The following CACNA2D4 variants were observed in gnomAD, a reference collection of about 807,000 sequenced individuals.
The protein encoded by CACNA2D4 is calcium voltage-gated channel auxiliary subunit alpha2delta 4, also known as voltage-dependent calcium channel subunit alpha-2/delta-4.
Under a neutral mutation model 163.8 loss-of-function variants are expected in CACNA2D4, and 157 were observed. The ratio of observed to expected loss-of-function variants is 0.96; its 90% CI spans 0.84 to 1.09. The LOEUF (loss-of-function observed/expected upper bound fraction) is 1.09. Among genes scored for constraint, CACNA2D4 ranks in the 50% least tolerant of loss-of-function variants. The pLI is 0.00. For synonymous variants in CACNA2D4, 598 were observed against 586.9 expected (o/e 1.02, Z -0.27); for missense variants, 1,410 against 1,479.9 (o/e 0.95, Z 0.78).
intron 2 of CACNA2D4, among the ~76,000 whole-genome samples, chr12:1,913,745 A>G (rs1418203616): frequency 6.6e-6 from 1 of 152,180 alleles, no homozygotes; most frequent in Non-Finnish European, 1.5e-5. Context: ...CCCAGGGGAG[A>G]CCAGCTCTCA....
intron 6 of CACNA2D4, among the ~76,000 whole-genome samples, chr12:1,890,135 A>AG (rs1396161150): frequency 6.6e-6 from 1 of 152,182 alleles, no homozygotes; most frequent in Non-Finnish European, 1.5e-5. Flanking sequence ...TCCTAGCCGC[A>AG]GGAGAGCCTC....
At chr12:1,809,595 CT>C in intron 29 of CACNA2D4, 1 of 699,726 alleles carries the variant, frequency 1.4e-6, no homozygotes, top group Non-Finnish European at 2.6e-6. Flanking sequence ...TTTGAGGCCC[CT>C]TTTGGAGCCC....
At chr12:1,862,974 T>C (rs1865557731) in intron 18 of CACNA2D4, among the ~76,000 whole-genome samples, 1 of 152,252 alleles carries the variant, frequency 6.6e-6, no homozygotes, top group Non-Finnish European at 1.5e-5. Context: ...TGTTTAGTGC[T>C]TTCTGTGTTT....
Position 1,855,893 on chromosome 12 carries a change from T to C in CACNA2D4, c.2152+119A>G, listed in dbSNP as rs1022399075. 1.7e-5 allele frequency: 12 copies of C among 710,102 alleles called. No individual in the cohort carries two copies. The East Asian group carries it at 2.9e-4, about 17-fold the overall frequency. The allele number at this position is 710,102 out of a possible 1,614,324, so 44.0% of individuals were successfully genotyped here. ...CTCCCTGTTTGATCTAAGCCATCCA[T>C]GTGCTAATGGGATAGGGCTGTGCAG... is the stretch of plus-strand genomic sequence containing the variant. On this transcript the variant is annotated intron_variant, in intron 22 of 37. Coordinates refer to ENST00000382722, the MANE Select transcript of CACNA2D4 (RefSeq NM_172364.5).
chr12:1,832,222 T>G (rs1352354106), intron 26 of CACNA2D4, among the ~76,000 whole-genome samples: 3 of 152,176 alleles, frequency 2.0e-5, no homozygotes, highest in Non-Finnish European at 4.4e-5. Flanking sequence ...GCGTCTGAAT[T>G]TCGGCTCTGC....
At chr12:1,811,497 C>T (rs2154445850) in intron 27 of CACNA2D4, among the ~76,000 whole-genome samples, 165 bp downstream of exon 27, 1 of 152,276 alleles carries the variant, frequency 6.6e-6, no homozygotes, top group South Asian at 2.1e-4. Context: ...AGCGCTGAGG[C>T]CCGGCCTGCA....
rs1372674469 is a variant in CACNA2D4 at position 1,886,015 on chromosome 12, C to A, written c.1018G>T (p.Glu340Ter). The stretch of plus-strand genomic sequence containing the variant: ...ACGAGGATCCCTTTAAAACAAGGCT[C>A]GATGTAATGGACGTAGTCATTGTAC... The part of the protein sequence containing the change: ...IAYNDYVHYI[E>*]PCFKGILVQA... Residue 340 changes from glutamate to a stop codon, truncating the protein, a stop_gained, in exon 9 of 38, where the codon GAG becomes TAG. Transcript: ENST00000382722. LOFTEE classifies it high-confidence loss of function. The A allele has an allele frequency of 6.2e-7, 1 of 1,613,522 alleles. No homozygotes were observed. Among genetic ancestry groups the A allele is most frequent in the Non-Finnish European group, 8.5e-7 (1 of 1,179,654 alleles).
intron 1 of CACNA2D4, 154 bp downstream of exon 1, chr12:1,918,080 AGAAGCAAAGGGCT>A: frequency 4.9e-6 from 3 of 611,208 alleles, no homozygotes; most frequent in Non-Finnish European, 8.7e-6. Context: ...AGGAGGCCGG[AGAAGCAAAGGGCT>A]TTACAGCAAG....
intron 3 of CACNA2D4, among the ~76,000 whole-genome samples, chr12:1,912,387 G>A (rs1382931239): frequency 6.6e-6 from 1 of 152,224 alleles, no homozygotes; most frequent in Non-Finnish European, 1.5e-5. Flanking sequence ...CCCCAGAGAA[G>A]GGGAAAGCTT....
intron 26 of CACNA2D4, among the ~76,000 whole-genome samples, chr12:1,813,515 A>G (rs1032366755): frequency 1.3e-5 from 2 of 152,212 alleles, no homozygotes; most frequent in Non-Finnish European, 2.9e-5. Context: ...CCCGAATTTA[A>G]AAAACAGTTA....
At chr12:1,800,928 G>A (rs921938402) in intron 31 of CACNA2D4, 115 bp downstream of exon 31, 26 of 898,536 alleles carry the variant, frequency 2.9e-5, no homozygotes, top group Middle Eastern at 3.3e-4. Flanking sequence ...GTCAAGGTAG[G>A]GCCCTGGGGC....
Position 1,875,540 on chromosome 12 carries a change from C to T in CACNA2D4, c.1720-203G>A, listed in dbSNP as rs1865865017. 6.6e-6 allele frequency among the ~76,000 whole-genome samples: 1 copy of T among 152,166 alleles called. No homozygotes were observed. Among genetic ancestry groups the T allele is most frequent in the Non-Finnish European group, 1.5e-5 (1 of 68,030 alleles). On this transcript the variant is annotated intron_variant, in intron 16 of 37. Coordinates refer to ENST00000382722, the MANE Select transcript of CACNA2D4 (RefSeq NM_172364.5). The surrounding 1 kb of genome is among the most constrained non-coding windows in gnomAD (Gnocchi z 4.0). ...TACTGACATCTATGACAGATGGTCT[C>T]ACGGCCTCTGAGTGAATCTTCCCCA...
Position 1,884,236 on chromosome 12 carries a change from C to A in CACNA2D4, c.1351+7G>T. ...GGTGGGAAGGTACCTGCTGGCCCGG[C>A]ACTCACCTTTGTTGTTGCATGCAAT... On this transcript the variant is annotated splice_region_variant and intron_variant, in intron 12 of 37. Transcript: ENST00000382722. 6.2e-7 allele frequency: 1 copy of A among 1,610,684 alleles called. No individual in the cohort carries two copies.
rs1864524974 is a variant in CACNA2D4, at chr12:1,829,580, G to A, written c.2551+11159C>T. 6.6e-6 allele frequency among the ~76,000 whole-genome samples: 1 copy of A among 152,060 alleles called. No individual in the cohort carries two copies. Among genetic ancestry groups the A allele is most frequent in the South Asian group, 2.1e-4 (1 of 4,810 alleles). On this transcript the variant is annotated intron_variant, in intron 26 of 37. Coordinates refer to ENST00000382722, the MANE Select transcript of CACNA2D4 (RefSeq NM_172364.5). This position sits in a 1 kb window ranked among gnomAD's most constrained non-coding sequence, Gnocchi z 4.2. ...CAGCTGTCATCGATCCTCCAGGCAGGGAAGGGGAGAGTCTCATCCTGTTCC... is the reference window on the plus strand; with the variant it reads ...CAGCTGTCATCGATCCTCCAGGCAGAGAAGGGGAGAGTCTCATCCTGTTCC...
intron 26 of CACNA2D4, chr12:1,831,191 C>T (rs371580908): frequency 6.2e-7 from 1 of 1,613,884 alleles, no homozygotes; most frequent in East Asian, 2.2e-5. Context: ...ACCGGCTGCC[C>T]CGCTCCATTT....
intron 23 of CACNA2D4, among the ~76,000 whole-genome samples, chr12:1,849,740 T>C (rs1317189420): frequency 1.3e-5 from 2 of 152,236 alleles, no homozygotes; most frequent in Non-Finnish European, 2.9e-5. Flanking sequence ...AAAGTACGTG[T>C]GTGTATGTGT....
rs368763964 is a variant in CACNA2D4, at chr12:1,878,413, G to C, written c.1645-24C>G. 2,248 of 1,581,112 alleles carry C rather than the reference G, an allele frequency of 1.4e-3. 4 individuals carry two copies. The highest frequency in any genetic ancestry group is 1.8e-3 in the Non-Finnish European group (2,108 of 1,163,430). ...AGCTGCCAGAGTCCAGGGTGGAGGC[G>C]CATTAGGCCTGCTGTTTGTGCTGGG... On this transcript the variant is annotated intron_variant, in intron 15 of 37. Transcript: ENST00000382722. The surrounding 1 kb of genome is among the most constrained non-coding windows in gnomAD (Gnocchi z 4.6).
rs189074544 is a variant in CACNA2D4 at position 1,844,359 on chromosome 12, C to G, written c.2470+43G>C. Reference sequence around the variant, plus strand: ...ACAGCAGGAGGAGAGATGAGACTGGCCTGAGACTGGCCCAGCCCCGGGAGC... The same window carrying G: ...ACAGCAGGAGGAGAGATGAGACTGGGCTGAGACTGGCCCAGCCCCGGGAGC... On this transcript the variant is annotated intron_variant, in intron 25 of 37. Transcript: ENST00000382722. The surrounding 1 kb of genome is among the most constrained non-coding windows in gnomAD (Gnocchi z 4.2). 1 of 1,605,460 alleles carries G rather than the reference C, an allele frequency of 6.2e-7. No individual in the cohort carries two copies. The highest frequency in any genetic ancestry group is 1.3e-5 in the African/African-American group (1 of 74,794).
In CACNA2D4 at chr12:1,792,497, A is replaced by C. The variant is rs1235831978; in HGVS notation, c.*1158T>G. On this transcript the variant is annotated 3_prime_UTR_variant, in exon 38 of 38. Coordinates refer to ENST00000382722, the MANE Select transcript of CACNA2D4 (RefSeq NM_172364.5). ...GCCCTGCATGCTGTCCATACCCATC[A>C]CTGGGGTTTGTTAAATGGAAAGATT... The C allele has an allele frequency of 6.6e-6, 1 of 152,216 alleles. No individual in the cohort carries two copies. The highest frequency in any genetic ancestry group is 1.5e-5 in the Non-Finnish European group (1 of 68,068). The allele number at this position is 152,216 out of a possible 1,614,324, so 9.4% of individuals were successfully genotyped here. A position where few individuals can be genotyped will look rare whatever the true frequency, so the allele number is the denominator to read the frequency against.
Sources: gnomAD v4.1 joint callset for allele counts (sites outside exome capture counted in the v4.1 genomes callset) on GRCh38, gnomAD v4.1.1 for gene constraint, Gnocchi (gnomAD v3.1) non-coding constraint, MANE v1.5 for transcripts, NCBI Gene and HGNC (gene_info 2026-07-23, HGNC 2026-07-21) for gene names.